Variants in RAP1GDS1 observed in about 807,000 individuals in gnomAD.
The protein encoded by RAP1GDS1 is RAP1, GTP-GDP dissociation stimulator 1.
RAP1GDS1 carries 35 observed loss-of-function variants against 71.1 expected under a neutral mutation model. The observed-to-expected ratio is 0.49, with a 90% CI of 0.38 to 0.65. The LOEUF (loss-of-function observed/expected upper bound fraction) is 0.65. Ranked by LOEUF, RAP1GDS1 falls within the 30% of genes least tolerant of loss-of-function variation. The pLI is 0.00. For missense variants in RAP1GDS1, 663 were observed against 706.1 expected (o/e 0.94, Z 0.69); for synonymous variants, 229 against 243.1 (o/e 0.94, Z 0.54).
At chr4:98,319,147 T>G (rs1203649419) in intron 2 of RAP1GDS1, among the ~76,000 whole-genome samples, 1 of 152,170 alleles carries the variant, frequency 6.6e-6, no homozygotes, top group Non-Finnish European at 1.5e-5. Flanking sequence ...TTTACTAAAC[T>G]ATAAACTCTT....
Position 98,392,011 on chromosome 4 carries a change from G to A in RAP1GDS1, c.568G>A (p.Gly190Ser), listed in dbSNP as rs555006625. Residue 190 changes from glycine to serine, a missense_variant, in exon 6 of 15, where the codon GGC becomes AGC. Transcript: ENST00000408927. ...GVIPTLVKLL[G>S]IHCQNAALTE... ...TATTCCTACCTTAGTGAAATTACTG[G>A]GCATCCACTGCCAAAATGCAGCTCT... 1 of 1,610,900 alleles carries A rather than the reference G, an allele frequency of 6.2e-7. No homozygotes were observed. The highest frequency in any genetic ancestry group is 1.7e-5 in the Admixed American group (1 of 59,954).
intron 3 of RAP1GDS1, among the ~76,000 whole-genome samples, chr4:98,350,439 G>T (rs1736995661): frequency 6.6e-6 from 1 of 152,134 alleles, no homozygotes; most frequent in African/African-American, 2.4e-5. Context: ...AGGCCTGGTG[G>T]TTCTCACCTA....
At chr4:98,348,029 A>G (rs935832119) in intron 3 of RAP1GDS1, among the ~76,000 whole-genome samples, 5 of 152,090 alleles carry the variant, frequency 3.3e-5, no homozygotes, top group Non-Finnish European at 7.4e-5. Context: ...GGTTTGTTAC[A>G]TATGTACACA....
chr4:98,342,704 G>GT (rs1447333593), intron 2 of RAP1GDS1, among the ~76,000 whole-genome samples: 2 of 152,086 alleles, frequency 1.3e-5, no homozygotes, highest in Non-Finnish European at 2.9e-5. Flanking sequence ...TAGGAGGTGA[G>GT]TTTTTTGCCT....
intron 4 of RAP1GDS1, among the ~76,000 whole-genome samples, chr4:98,365,020 C>G (rs1038251558): frequency 6.7e-6 from 1 of 149,336 alleles, no homozygotes; most frequent in Non-Finnish European, 1.5e-5. Flanking sequence ...GACCCTGTCT[C>G]AAAAAAAGAA....
At chr4:98,289,400 T>G (rs749758376) in intron 1 of RAP1GDS1, among the ~76,000 whole-genome samples, 1 of 151,886 alleles carries the variant, frequency 6.6e-6, no homozygotes, top group Non-Finnish European at 1.5e-5. Context: ...AGAAAAGAAT[T>G]TAATTCTCAC....
chr4:98,404,474 C>G lies in RAP1GDS1; in HGVS notation c.638-3C>G. ...GTTTAAGTTTTTCTTTTTTATTTTA[C>G]AGAGTCAAGTAAAGAACAGTTTGCC... is the stretch of plus-strand genomic sequence containing the variant. On this transcript the variant is annotated splice_polypyrimidine_tract_variant and splice_region_variant and intron_variant, in intron 6 of 14. Transcript: ENST00000408927. 1 of 1,570,334 alleles carries G rather than the reference C, an allele frequency of 6.4e-7. No homozygotes were observed. Among genetic ancestry groups the G allele is most frequent in the Non-Finnish European group, 8.6e-7 (1 of 1,167,052 alleles).
chr4:98,421,532 G>T (rs1748857357), intron 12 of RAP1GDS1, 138 bp downstream of exon 12: 10 of 935,836 alleles, frequency 1.1e-5, no homozygotes, highest in Non-Finnish European at 1.3e-5. Context: ...TATATAATGT[G>T]CTTAGCTGAT....
chr4:98,362,671 T>G (rs1158832521), intron 4 of RAP1GDS1, among the ~76,000 whole-genome samples: 1 of 152,242 alleles, frequency 6.6e-6, no homozygotes, highest in African/African-American at 2.4e-5. Context: ...TTTACATCCC[T>G]GACTTCTAAT....
intron 7 of RAP1GDS1, 152 bp downstream of exon 7, chr4:98,404,754 T>C (rs1305816889): frequency 1.1e-6 from 1 of 923,472 alleles, no homozygotes; most frequent in Non-Finnish European, 1.6e-6. Context: ...CTATGTTATC[T>C]ACTCCATAGC....
intron 14 of RAP1GDS1, chr4:98,441,302 A>G (rs1237133330): frequency 1.1e-5 from 11 of 963,792 alleles, no homozygotes; most frequent in Non-Finnish European, 9.9e-6. Flanking sequence ...CAGGAATCCT[A>G]TATTTTCTTG....
chr4:98,282,990 T>C (rs931146451), intron 1 of RAP1GDS1, among the ~76,000 whole-genome samples: 3 of 152,166 alleles, frequency 2.0e-5, no homozygotes, highest in African/African-American at 7.2e-5. Flanking sequence ...AGAGACAGTT[T>C]GTTATGATTT....
intron 2 of RAP1GDS1, among the ~76,000 whole-genome samples, chr4:98,310,781 A>G (rs1332368496): frequency 1.3e-5 from 2 of 152,008 alleles, no homozygotes; most frequent in Non-Finnish European, 2.9e-5. Context: ...TGAAATTGAG[A>G]TAAACTATAA....
chr4:98,384,132 C>T (rs1353828475), intron 5 of RAP1GDS1, among the ~76,000 whole-genome samples: 2 of 151,326 alleles, frequency 1.3e-5, no homozygotes, highest in Non-Finnish European at 1.5e-5. Context: ...TGTTCTGATA[C>T]TGTCTTTTTT....
At chr4:98,328,128 T>A (rs1733413237) in intron 2 of RAP1GDS1, among the ~76,000 whole-genome samples, 1 of 152,318 alleles carries the variant, frequency 6.6e-6, no homozygotes, top group East Asian at 1.9e-4. Flanking sequence ...TTTCTTATTT[T>A]ATGTATATGG....
At chr4:98,326,897 G>A in intron 2 of RAP1GDS1, among the ~76,000 whole-genome samples, 1 of 152,182 alleles carries the variant, frequency 6.6e-6, no homozygotes, top group East Asian at 1.9e-4. Context: ...GTAAGAGCTA[G>A]AATTAGTATA....
chr4:98,440,195 A>G (rs1751698822), intron 14 of RAP1GDS1, among the ~76,000 whole-genome samples: 1 of 152,276 alleles, frequency 6.6e-6, no homozygotes, highest in Middle Eastern at 3.4e-3. Flanking sequence ...ATTTTCCATC[A>G]TATGTATATA....
chr4:98,411,657 T>A (rs1221589749), intron 7 of RAP1GDS1, among the ~76,000 whole-genome samples: 1 of 152,142 alleles, frequency 6.6e-6, no homozygotes, highest in Non-Finnish European at 1.5e-5. Context: ...TAACAATGTG[T>A]TGATATTTAT....
Position 98,404,476 on chromosome 4 carries a change from G to A in RAP1GDS1, c.638-1G>A. 1 of 1,573,992 alleles carries A rather than the reference G, an allele frequency of 6.4e-7. No individual in the cohort carries two copies. Among genetic ancestry groups the A allele is most frequent in the Non-Finnish European group, 8.6e-7 (1 of 1,168,354 alleles). On this transcript the variant is annotated splice_acceptor_variant, in intron 6 of 14. Transcript: ENST00000408927. LOFTEE classifies it high-confidence loss of function. ...TTAAGTTTTTCTTTTTTATTTTACAGAGTCAAGTAAAGAACAGTTTGCCAG... is the reference window on the plus strand; with the variant it reads ...TTAAGTTTTTCTTTTTTATTTTACAAAGTCAAGTAAAGAACAGTTTGCCAG...
Sources: gnomAD v4.1 joint callset for allele counts (sites outside exome capture counted in the v4.1 genomes callset) on GRCh38, gnomAD v4.1.1 for gene constraint, MANE v1.5 for transcripts, NCBI Gene and HGNC (gene_info 2026-07-23, HGNC 2026-07-21) for gene names.